SLAMF7: variants seen among roughly 807,000 people sequenced by gnomAD.
SLAMF7 encodes 19A24 protein.
A neutral mutation model predicts 34.1 loss-of-function variants in SLAMF7; 26 were observed. The observed-to-expected ratio is 0.76, with a 90% CI of 0.56 to 1.06. The LOEUF (loss-of-function observed/expected upper bound fraction) is 1.06, where lower values mean the gene tolerates loss of function less well. SLAMF7 is among the 50% of genes least tolerant of loss of function. The probability of loss-of-function intolerance (pLI) is 0.00; values close to 1 mark genes in which losing one functional copy is unlikely to be tolerated. For synonymous variants in SLAMF7, 171 were observed against 156.4 expected, an observed-to-expected ratio of 1.09 and a Z score of -0.70; for missense variants, 399 against 402.5, an observed-to-expected ratio of 0.99 and a Z score of 0.07.
intron 1 of SLAMF7, among the ~76,000 whole-genome samples, chr1:160,741,573 A>T (rs564189414): frequency 2.6e-5 from 4 of 152,192 alleles, no homozygotes; most frequent in African/African-American, 9.6e-5. Flanking sequence ...CTTTTTTTTT[A>T]AATCCATGGT....
At chr1:160,751,026 G>A (rs1168806850) in intron 4 of SLAMF7, 2 of 334,730 alleles carry the variant, frequency 6.0e-6, no homozygotes, top group Non-Finnish European at 5.7e-6. Context: ...ACATCAGTTG[G>A]GTATGACTTG....
chr1:160,750,645 C>T, intron 4 of SLAMF7: 1 of 453,906 alleles, frequency 2.2e-6, no homozygotes, highest in South Asian at 2.8e-5. Context: ...ACACGGTTCT[C>T]CCAGTTCCCT....
intron 2 of SLAMF7, 71 bp downstream of exon 2, chr1:160,748,585 T>C (rs1181136324): frequency 1.4e-6 from 2 of 1,392,010 alleles, no homozygotes; most frequent in East Asian, 2.3e-5. Context: ...ATGAGAGATG[T>C]TTAAGCAGAG....
intron 2 of SLAMF7, 63 bp from the exon 3 acceptor site, chr1:160,749,758 A>AG: frequency 7.0e-7 from 1 of 1,421,320 alleles, no homozygotes; most frequent in Non-Finnish European, 9.5e-7. Flanking sequence ...GTATCCAAGG[A>AG]TAATTCAGAG....
Position 160,751,386 on chromosome 1 carries a change from A to C in SLAMF7, c.811A>C (p.Thr271Pro). 6.2e-7 allele frequency: 1 copy of C among 1,613,550 alleles called. No homozygotes were observed. The highest frequency in any genetic ancestry group is 8.5e-7 in the Non-Finnish European group (1 of 1,179,836). Residue 271 changes from threonine (T) to proline (P), a missense_variant, in exon 5 of 7, where the codon ACT (threonine) becomes CCT (proline). Transcript: ENST00000368043. ...GAAGAGAGTGGACATTTGTCGGGAA[A>C]CTCCTAACATATGCCCCCATTCTGG... ...EKKRVDICRE[T>P]PNICPHSGEN... is the part of the protein sequence containing the mutation.
chr1:160,745,371 G>A (rs913920236), intron 1 of SLAMF7, among the ~76,000 whole-genome samples: 2 of 152,184 alleles, frequency 1.3e-5, no homozygotes, highest in East Asian at 3.9e-4. Flanking sequence ...TGAGGGAGAA[G>A]GCTGGAGCTG....
chr1:160,752,195 C>A lies in SLAMF7; in HGVS notation c.883C>A (p.Leu295Ile). The change falls in exon 6 of 7, where the codon CTA (leucine) becomes ATA (isoleucine). Residue 295 changes from leucine to isoleucine, a missense_variant. Physicochemically the swap from Leu to Ile is conservative, Grantham distance 5. Transcript: ENST00000368043. ...DTIPHTNRTI[L>I]KEDPANTVYS... Reference sequence around the variant, plus strand: ...TGTTTGTTTTTAAAAGAGAACAATCCTAAAGGAAGATCCAGCAAATACGGT... The same window carrying A: ...TGTTTGTTTTTAAAAGAGAACAATCATAAAGGAAGATCCAGCAAATACGGT... 1 of 1,612,580 alleles carries A rather than the reference C, an allele frequency of 6.2e-7. No individual in the cohort carries two copies. Among genetic ancestry groups the A allele is most frequent in the African/African-American group, 1.3e-5 (1 of 74,906 alleles).
At chr1:160,751,122 G>A in intron 4 of SLAMF7, 2 of 519,128 alleles carry the variant, frequency 3.9e-6, no homozygotes, top group East Asian at 3.4e-5. Context: ...CCACCTTGAT[G>A]GAGAGATCAG....
chr1:160,749,145 T>C (rs553089199), intron 2 of SLAMF7, among the ~76,000 whole-genome samples: 29 of 152,202 alleles, frequency 1.9e-4, no homozygotes, highest in African/African-American at 7.0e-4. Context: ...TTGTAGGAGG[T>C]AGGCACTGCA....
rs1028078895 is a variant in SLAMF7 at position 160,754,752 on chromosome 1, C to A, written c.*1575C>A. On this transcript the variant is annotated 3_prime_UTR_variant, in exon 7 of 7. Transcript: ENST00000368043. Reference sequence around the variant, plus strand: ...CCAGATCTCTCTCCCTACTGCAAAACCCTATTGTAGTAAAAAAGTCTTCTT... The same window carrying A: ...CCAGATCTCTCTCCCTACTGCAAAAACCTATTGTAGTAAAAAAGTCTTCTT... The A allele has an allele frequency of 3.9e-5, 6 of 152,344 alleles. No homozygotes were observed. Among genetic ancestry groups the A allele is most frequent in the Admixed American group, 2.6e-4 (4 of 15,284 alleles). 9.4% of individuals were successfully genotyped at this position (152,344 alleles called of 1,614,324 possible).
intron 1 of SLAMF7, among the ~76,000 whole-genome samples, chr1:160,744,267 G>T (rs1196932837): frequency 6.6e-6 from 1 of 152,216 alleles, no homozygotes; most frequent in African/African-American, 2.4e-5. Flanking sequence ...GAAGTGTCTT[G>T]TTTCTGGATC....
intron 1 of SLAMF7, among the ~76,000 whole-genome samples, chr1:160,744,658 G>T (rs564542931): frequency 6.6e-6 from 1 of 152,332 alleles, no homozygotes; most frequent in South Asian, 2.1e-4. Flanking sequence ...CATCTTTGTA[G>T]TTTTGCCACT....
chr1:160,744,362 G>GGC (rs760174690), intron 1 of SLAMF7, among the ~76,000 whole-genome samples: 192 of 152,318 alleles, frequency 1.3e-3, no homozygotes, highest in Admixed American at 5.0e-3. Flanking sequence ...CACATTCCGA[G>GGC]AATGGCATGG....
chr1:160,751,022 G>A lies in SLAMF7; in HGVS notation c.770-323G>A, dbSNP rs141251189. On this transcript the variant is annotated intron_variant, in intron 4 of 6. Transcript: ENST00000368043. ...GGTGATGGGGAGGGACCTAACATCA[G>A]TTGGGTATGACTTGCAGACTTTGAA... The A allele has an allele frequency of 1.9e-4, 61 of 326,618 alleles. No homozygotes were observed. The Admixed American group carries it at 2.5e-3, about 14-fold the overall frequency. The allele number at this position is 326,618 out of a possible 1,614,324, so 20.2% of individuals were successfully genotyped here. A position where few individuals can be genotyped will look rare whatever the true frequency, so the allele number is the denominator to read the frequency against.
At chr1:160,750,534 G>C (rs978479201) in intron 4 of SLAMF7, 111 bp downstream of exon 4, 2 of 1,327,082 alleles carry the variant, frequency 1.5e-6, no homozygotes, top group African/African-American at 2.9e-5. Flanking sequence ...TGTTGAAGAT[G>C]CAGAGATGAA....
chr1:160,753,296 AC>A lies in SLAMF7; in HGVS notation c.*120del. The A allele has an allele frequency of 1.2e-6, 1 of 835,730 alleles. No homozygotes were observed. The highest frequency in any genetic ancestry group is 2.6e-5 in the East Asian group (1 of 37,860). 51.8% of individuals were successfully genotyped at this position (835,730 alleles called of 1,614,324 possible). A position where few individuals can be genotyped will look rare whatever the true frequency, so the allele number is the denominator to read the frequency against. ...CATCAAGGAAGAATGAAGAACGTTGACTTTTTTCCAGGATAAATTATCTCTG... is the reference window on the plus strand; with the variant it reads ...CATCAAGGAAGAATGAAGAACGTTGATTTTTTCCAGGATAAATTATCTCTG... On this transcript the variant is annotated 3_prime_UTR_variant, in exon 7 of 7. Coordinates refer to ENST00000368043, the MANE Select transcript of SLAMF7 (RefSeq NM_021181.5).
Position 160,752,170 on chromosome 1 carries a change from T to C in SLAMF7, c.874-16T>C. ...GTGGGTGATGATTTCTTTTGTTTGT[T>C]GTTTGTTTTTAAAAGAGAACAATCC... On this transcript the variant is annotated splice_polypyrimidine_tract_variant and intron_variant, in intron 5 of 6. Transcript: ENST00000368043. The C allele has an allele frequency of 6.2e-7, 1 of 1,607,030 alleles. No individual in the cohort carries two copies. The highest frequency in any genetic ancestry group is 8.5e-7 in the Non-Finnish European group (1 of 1,174,130).
At chr1:160,741,552 G>GT (rs941131983) in intron 1 of SLAMF7, among the ~76,000 whole-genome samples, 16 of 151,618 alleles carry the variant, frequency 1.1e-4, no homozygotes, top group Admixed American at 2.0e-4. Flanking sequence ...ACCACTTTGG[G>GT]TTTTTTTTGC....
Position 160,739,288 on chromosome 1 carries a change from T to C in SLAMF7, c.-14T>C. The C allele has an allele frequency of 6.2e-7, 1 of 1,613,838 alleles. No homozygotes were observed. Among genetic ancestry groups the C allele is most frequent in the South Asian group, 1.1e-5 (1 of 91,084 alleles). ...AAGTGGCTTCATTTCAGTGGCTGAC[T>C]TCCAGAGAGCAATATGGCTGGTTCC... is the stretch of plus-strand genomic sequence containing the variant. On this transcript the variant is annotated 5_prime_UTR_variant, in exon 1 of 7. Transcript: ENST00000368043.
Sources: gnomAD v4.1 joint callset for allele counts (sites outside exome capture counted in the v4.1 genomes callset) on GRCh38, gnomAD v4.1.1 for gene constraint, MANE v1.5 for transcripts, NCBI Gene and HGNC (gene_info 2026-07-23, HGNC 2026-07-21) for gene names.